CLIP2: variants seen among roughly 807,000 people sequenced by gnomAD.
CLIP2 encodes the protein CAP-Gly domain containing linker protein 2.
In CLIP2, 41 loss-of-function variants were observed where a neutral mutation model predicts 111.7. That is an observed-to-expected ratio of 0.37 (90% CI 0.29 to 0.48). The LOEUF is 0.48. Among genes scored for constraint, CLIP2 ranks in the 20% least tolerant of loss-of-function variants. The pLI, the probability that CLIP2 is intolerant of heterozygous loss-of-function variation, is 0.99. For synonymous variants in CLIP2, 660 were observed against 644.2 expected (o/e 1.02, Z -0.37); for missense variants, 1,160 against 1,422.1 (o/e 0.82, Z 2.96).
intron 11 of CLIP2, among the ~76,000 whole-genome samples, chr7:74,382,493 T>C (rs1259773737): frequency 6.8e-6 from 1 of 148,082 alleles, no homozygotes; most frequent in Non-Finnish European, 1.5e-5. Context: ...TTTTTTTTTT[T>C]AGTAGAGATG....
intron 12 of CLIP2, among the ~76,000 whole-genome samples, chr7:74,388,407 G>A (rs181584111): frequency 2.0e-5 from 3 of 152,090 alleles, no homozygotes; most frequent in Non-Finnish European, 4.4e-5. Flanking sequence ...GGTTGAGGCA[G>A]GAGAATTGCT....
intron 14 of CLIP2, among the ~76,000 whole-genome samples, chr7:74,398,990 C>T (rs1322880806): frequency 6.6e-6 from 1 of 151,898 alleles, no homozygotes; most frequent in Non-Finnish European, 1.5e-5. Flanking sequence ...GTCTCATCAT[C>T]TCCCTGCACT....
At chr7:74,372,908 C>A (rs1343417311) in intron 8 of CLIP2, 24 bp from the exon 9 acceptor site, 4 of 1,322,726 alleles carry the variant, frequency 3.0e-6, no homozygotes, top group Non-Finnish European at 4.2e-6. Context: ...CACCCCCCCA[C>A]CGTGTCCACC....
chr7:74,385,532 T>A (rs1408973114), intron 11 of CLIP2, among the ~76,000 whole-genome samples: 2 of 151,508 alleles, frequency 1.3e-5, no homozygotes, highest in Admixed American at 6.6e-5. Context: ...CCTTTATAAA[T>A]TAACTTGCAG....
intron 15 of CLIP2, 95 bp from the exon 16 acceptor site, chr7:74,401,410 T>A (rs1041901487): frequency 1.6e-6 from 2 of 1,238,938 alleles, no homozygotes; most frequent in African/African-American, 1.5e-5. Flanking sequence ...ATTTGGAGCC[T>A]GAGACGGTCC....
intron 2 of CLIP2, among the ~76,000 whole-genome samples, chr7:74,329,087 G>GTTTTTT (rs35692014): frequency 3.6e-5 from 4 of 111,078 alleles, no homozygotes; most frequent in Non-Finnish European, 6.9e-5. Flanking sequence ...TTTTTTTTTG[G>GTTTTTT]TTTTTTTTTT....
At chr7:74,295,780 GAA>G (rs1450734717) in intron 1 of CLIP2, among the ~76,000 whole-genome samples, 5 of 151,884 alleles carry the variant, frequency 3.3e-5, no homozygotes, top group Admixed American at 6.6e-5. Context: ...CAAGGAGGGA[GAA>G]TCACTTGAGC....
chr7:74,292,761 G>A (rs188040974), intron 1 of CLIP2, among the ~76,000 whole-genome samples: 1 of 152,238 alleles, frequency 6.6e-6, no homozygotes, highest in African/African-American at 2.4e-5. Context: ...TTACAGATAA[G>A]AATATCCTGG....
At chr7:74,292,422 T>G (rs1788050591) in intron 1 of CLIP2, among the ~76,000 whole-genome samples, 2 of 152,240 alleles carry the variant, frequency 1.3e-5, no homozygotes, top group South Asian at 4.1e-4. Flanking sequence ...CATCTTGCTC[T>G]GTCGCCCAGG....
At chr7:74,393,365 T>C (rs560866564) in intron 13 of CLIP2, among the ~76,000 whole-genome samples, 1 of 144,644 alleles carries the variant, frequency 6.9e-6, no homozygotes, top group African/African-American at 2.6e-5. Flanking sequence ...AGATGGAGTT[T>C]TGCTCTTGTT....
intron 13 of CLIP2, among the ~76,000 whole-genome samples, chr7:74,393,538 G>T (rs1032082022): frequency 6.6e-6 from 1 of 151,294 alleles, no homozygotes; most frequent in Non-Finnish European, 1.5e-5. Flanking sequence ...GTTTCTCCAT[G>T]TTGGTCATGC....
intron 12 of CLIP2, among the ~76,000 whole-genome samples, chr7:74,387,406 AC>A (rs1791143649): frequency 6.6e-6 from 1 of 151,948 alleles, no homozygotes; most frequent in Non-Finnish European, 1.5e-5. Context: ...ACACCACCAC[AC>A]CCGGCTAATT....
chr7:74,299,620 G>A (rs143968576), intron 1 of CLIP2, among the ~76,000 whole-genome samples: 36 of 152,224 alleles, frequency 2.4e-4, no homozygotes, highest in African/African-American at 8.7e-4. Flanking sequence ...AGTGGGCTCA[G>A]CCTCTTCCCC....
intron 13 of CLIP2, among the ~76,000 whole-genome samples, chr7:74,395,688 C>T (rs1158347585): frequency 6.6e-6 from 1 of 152,180 alleles, no homozygotes; most frequent in Non-Finnish European, 1.5e-5. Context: ...TTGATTGATA[C>T]AGGCCACCGT....
chr7:74,400,276 A>G, intron 14 of CLIP2, 94 bp from the exon 15 acceptor site: 1 of 1,126,658 alleles, frequency 8.9e-7, no homozygotes, highest in Non-Finnish European at 1.3e-6. Flanking sequence ...CCAGAGACAA[A>G]GTGAGGCTGG....
intron 1 of CLIP2, among the ~76,000 whole-genome samples, chr7:74,310,423 G>C (rs1213851687): frequency 1.3e-5 from 2 of 152,104 alleles, no homozygotes; most frequent in Non-Finnish European, 2.9e-5. Context: ...CCAGGAAGCT[G>C]AGGTGGGAGG....
intron 1 of CLIP2, among the ~76,000 whole-genome samples, chr7:74,305,492 TTTG>T (rs1488741517): frequency 2.0e-5 from 3 of 151,052 alleles, no homozygotes; most frequent in African/African-American, 7.3e-5. Flanking sequence ...CCTCATTTTG[TTTG>T]TTGTTTGTTT....
intron 11 of CLIP2, among the ~76,000 whole-genome samples, chr7:74,385,089 G>A (rs551912303): frequency 6.8e-6 from 1 of 146,638 alleles, no homozygotes; most frequent in Admixed American, 6.9e-5. Flanking sequence ...CCAGCCTGGC[G>A]GACATGGTGA....
At chr7:74,318,598 A>G (rs229871) in intron 2 of CLIP2, among the ~76,000 whole-genome samples, 93,652 of 151,870 alleles carry the variant, frequency 0.62, 30,758 homozygotes, top group Middle Eastern at 0.74. Flanking sequence ...CTATAGTCCC[A>G]GCTACTTGGG....
Sources: allele counts gnomAD v4.1 joint callset (sites outside exome capture counted in the v4.1 genomes callset), GRCh38; gene constraint gnomAD v4.1.1; transcripts MANE v1.5; gene names NCBI Gene and HGNC (gene_info 2026-07-23, HGNC 2026-07-21).